SLC1A2: variants seen among roughly 807,000 people sequenced by gnomAD.
The protein encoded by SLC1A2 is solute carrier family 1 member 2, also known as excitatory amino acid transporter 2.
Under a neutral mutation model 48.8 loss-of-function variants are expected in SLC1A2, and 15 were observed. The observed-to-expected ratio is 0.31, with a 90% CI of 0.21 to 0.47. The LOEUF (loss-of-function observed/expected upper bound fraction) is 0.47, where lower values mean the gene tolerates loss of function less well. SLC1A2 is among the 20% of genes least tolerant of loss of function. The pLI, the probability that SLC1A2 is intolerant of heterozygous loss-of-function variation, is 0.99. For missense variants in SLC1A2, 502 were observed against 730.5 expected (o/e 0.69, Z 3.61); for synonymous variants, 279 against 272.6 (o/e 1.02, Z -0.23).
chr11:35,310,461 G>A (rs549063916), intron 4 of SLC1A2, among the ~76,000 whole-genome samples: 38 of 152,248 alleles, frequency 2.5e-4, no homozygotes, highest in Non-Finnish European at 1.3e-4. Context: ...CTTCCCTGGC[G>A]TGGAATGGTT....
At position 35,260,949 on chromosome 11, in the gene SLC1A2, T is replaced by C. The variant is rs374607076; in HGVS notation, c.1670A>G (p.Asn557Ser). 3.6e-5 allele frequency: 58 copies of C among 1,613,770 alleles called. No homozygotes were observed. In the East Asian group the frequency reaches 8.5e-4, roughly 24 times the overall value. Residue 557 changes from asparagine to serine, a missense_variant, in exon 11 of 11, where the codon AAT becomes AGT. Asn to Ser is a conservative substitution (Grantham distance 46, BLOSUM62 1). This residue lies in a region of SLC1A2 where 102 missense variants were observed against 107.2 expected (regional missense o/e 0.95). Transcript: ENST00000278379. ...VDECKVTLAA[N>S]GKSADCSVEE... ...AACACTGCAGTCGGCTGACTTTCCATTGGCTGCCAGAGTTACCTGAAAATA... is the reference window on the plus strand; with the variant it reads ...AACACTGCAGTCGGCTGACTTTCCACTGGCTGCCAGAGTTACCTGAAAATA...
At chr11:35,347,009 A>T (rs1853061948) in intron 1 of SLC1A2, among the ~76,000 whole-genome samples, 1 of 152,244 alleles carries the variant, frequency 6.6e-6, no homozygotes, top group South Asian at 2.1e-4. Flanking sequence ...GGAGGAGTTT[A>T]GACTTTGGAA....
intron 4 of SLC1A2, among the ~76,000 whole-genome samples, chr11:35,309,023 A>T (rs1048442941): frequency 2.6e-5 from 4 of 152,078 alleles, no homozygotes; most frequent in African/African-American, 9.7e-5. Flanking sequence ...TCTGAACATT[A>T]TAAGTACTTT....
chr11:35,349,513 C>T (rs79065076), intron 1 of SLC1A2, among the ~76,000 whole-genome samples: 3,127 of 152,222 alleles, frequency 0.021, 95 homozygotes, highest in African/African-American at 0.072. Flanking sequence ...ACTTCCTCTG[C>T]CTTTTACTCC....
intron 1 of SLC1A2, among the ~76,000 whole-genome samples, chr11:35,416,675 A>G (rs768961127): frequency 7.9e-5 from 12 of 152,248 alleles, no homozygotes; most frequent in Non-Finnish European, 1.5e-4. Flanking sequence ...GAAAGCATAT[A>G]ACTATATTGC....
intron 1 of SLC1A2, among the ~76,000 whole-genome samples, chr11:35,319,979 GT>G (rs1453307732): frequency 5.3e-5 from 8 of 152,250 alleles, no homozygotes; most frequent in African/African-American, 1.9e-4. Flanking sequence ...GAAACACAGA[GT>G]CCCCCAAGAA....
chr11:35,285,964 G>T (rs1463734174), intron 8 of SLC1A2: 1 of 152,124 alleles, frequency 6.6e-6, no homozygotes, highest in African/African-American at 2.4e-5. Flanking sequence ...TTAAAAAGAT[G>T]ATTGCAAAAA....
chr11:35,333,275 G>T (rs893536976), intron 1 of SLC1A2, among the ~76,000 whole-genome samples: 1 of 152,062 alleles, frequency 6.6e-6, no homozygotes, highest in Non-Finnish European at 1.5e-5. Context: ...AAATTAGCCA[G>T]GTGTGGTGGT....
chr11:35,282,494 T>A (rs1006534371), intron 8 of SLC1A2, among the ~76,000 whole-genome samples: 1 of 152,168 alleles, frequency 6.6e-6, no homozygotes, highest in African/African-American at 2.4e-5. Context: ...GCTGGGCACA[T>A]TGCAACTCCC....
intron 1 of SLC1A2, among the ~76,000 whole-genome samples, chr11:35,409,680 G>A (rs896185329): frequency 3.9e-5 from 6 of 152,118 alleles, no homozygotes; most frequent in South Asian, 4.2e-4. Context: ...AGGCCTAGGC[G>A]GATGGATTAC....
chr11:35,357,309 T>C (rs1463557370), intron 1 of SLC1A2, among the ~76,000 whole-genome samples: 1 of 151,550 alleles, frequency 6.6e-6, no homozygotes, highest in East Asian at 1.9e-4. Context: ...AATCCATTAA[T>C]TTTAGATCTC....
intron 6 of SLC1A2, among the ~76,000 whole-genome samples, chr11:35,297,167 A>T (rs4756207): frequency 6.6e-6 from 1 of 152,038 alleles, no homozygotes; most frequent in African/African-American, 2.4e-5. Context: ...CAAAAAACTC[A>T]TCTAAGTCAG....
chr11:35,317,582 G>T lies in SLC1A2; in HGVS notation c.18-66C>A. ...CTCCCCTATACAGTTTCAGGGGCTC[G>T]ACTAGTAGGAACCTCTCCAGGCACA... On this transcript the variant is annotated intron_variant, in intron 1 of 10. Transcript: ENST00000278379. 1.9e-6 allele frequency: 3 copies of T among 1,538,658 alleles called. No homozygotes were observed. In the South Asian group the frequency reaches 3.5e-5, roughly 18 times the overall value.
At chr11:35,288,718 A>C (rs968178739) in intron 7 of SLC1A2, among the ~76,000 whole-genome samples, 2 of 151,646 alleles carry the variant, frequency 1.3e-5, no homozygotes, top group African/African-American at 4.9e-5. Context: ...AATATCCTCT[A>C]TTTCTCTACT....
chr11:35,384,598 T>C (rs77612461), intron 1 of SLC1A2, among the ~76,000 whole-genome samples: 7,065 of 152,302 alleles, frequency 0.046, 215 homozygotes, highest in East Asian at 0.12. Flanking sequence ...AGATATTGAT[T>C]CATCATTGAA....
At chr11:35,366,392 G>A (rs1032587871) in intron 1 of SLC1A2, among the ~76,000 whole-genome samples, 2 of 152,162 alleles carry the variant, frequency 1.3e-5, no homozygotes, top group African/African-American at 2.4e-5. Context: ...CTCTCTGTGT[G>A]TACACACGGG....
chr11:35,360,576 A>G (rs536784579), intron 1 of SLC1A2, among the ~76,000 whole-genome samples: 1 of 152,298 alleles, frequency 6.6e-6, no homozygotes, highest in East Asian at 1.9e-4. Context: ...TCTAAATCCC[A>G]GTGTAGAAGA....
intron 9 of SLC1A2, among the ~76,000 whole-genome samples, chr11:35,276,485 G>A (rs920035649): frequency 2.0e-5 from 3 of 151,972 alleles, no homozygotes; most frequent in African/African-American, 7.3e-5. Flanking sequence ...ACTCCCTTCT[G>A]CTGACACACT....
Position 35,265,642 on chromosome 11 carries a change from T to G in SLC1A2, c.1538A>C (p.Asp513Ala). ...TIDSQHRVHE[D>A]IEMTKTQSIY... The stretch of plus-strand genomic sequence containing the variant: ...GGATTGAGTCTTGGTCATTTCAATA[T>G]CTTCATGCACTCGATGCTGGGAGTC... Residue 513 changes from aspartate to alanine, a missense_variant, in exon 10 of 11, where the codon GAT becomes GCT. Asp to Ala is a moderately radical substitution (Grantham distance 126). Coordinates refer to ENST00000278379, the MANE Select transcript of SLC1A2 (RefSeq NM_004171.4). 2 of 1,612,782 alleles carry G rather than the reference T, an allele frequency of 1.2e-6. No individual in the cohort carries two copies. The highest frequency in any genetic ancestry group is 1.7e-6 in the Non-Finnish European group (2 of 1,178,726).
Sources: allele counts gnomAD v4.1 joint callset (sites outside exome capture counted in the v4.1 genomes callset), GRCh38; gene constraint gnomAD v4.1.1; regional missense constraint gnomAD v4.1.1; transcripts MANE v1.5; gene names NCBI Gene and HGNC (gene_info 2026-07-23, HGNC 2026-07-21).